Variants in GALNT17 observed in about 807,000 individuals in gnomAD.
GALNT17 encodes the protein UDP-GalNAc:polypeptide N-acetylgalactosaminyltransferase-like 3.
In GALNT17, 29 loss-of-function variants were observed where a neutral mutation model predicts 63.7. That is an observed-to-expected ratio of 0.46 (90% confidence interval 0.34 to 0.62). GALNT17 has a LOEUF of 0.62. GALNT17 is among the 20% of genes least tolerant of loss of function. GALNT17 has a pLI of 0.01. For missense variants in GALNT17, 603 were observed against 799.6 expected, an observed-to-expected ratio of 0.75 and a Z score of 2.97; for synonymous variants, 305 against 318.3, an observed-to-expected ratio of 0.96 and a Z score of 0.45.
Position 71,630,799 on chromosome 7 carries a change from C to T in GALNT17, c.1081-34612C>T, listed in dbSNP as rs538640957. On this transcript the variant is annotated intron_variant, in intron 6 of 10. Transcript: ENST00000333538. The stretch of plus-strand genomic sequence containing the variant: ...GGATCTTCCAGTGCAATCCGGAAAT[C>T]ATGGAGCTTGATATTGAGGACCCAA... Among the ~76,000 whole-genome samples the T allele has an allele frequency of 1.5e-3, 228 of 152,282 alleles. 1 individual carries two copies. The highest frequency in any genetic ancestry group is 6.8e-3 in the Middle Eastern group (2 of 294).
At chr7:71,133,167 T>C (rs1787718910) in intron 1 of GALNT17, 127 bp downstream of exon 1, 2 of 797,554 alleles carry the variant, frequency 2.5e-6, no homozygotes, top group Non-Finnish European at 1.9e-6. Flanking sequence ...GCGCGCTCCT[T>C]CTTACCCTTC....
intron 1 of GALNT17, among the ~76,000 whole-genome samples, chr7:71,232,515 T>G (rs1252397311): frequency 6.6e-6 from 1 of 151,950 alleles, no homozygotes; most frequent in Non-Finnish European, 1.5e-5. Flanking sequence ...TAATAAGTGA[T>G]TGGAAGTGAT....
intron 5 of GALNT17, 23 bp downstream of exon 5, chr7:71,421,128 C>T (rs199903990): frequency 1.0e-4 from 161 of 1,612,570 alleles, no homozygotes; most frequent in Non-Finnish European, 1.2e-4. Flanking sequence ...TGAGCCCTGG[C>T]GGCCAACGAG....
At chr7:71,168,571 C>A (rs546681240) in intron 1 of GALNT17, among the ~76,000 whole-genome samples, 2,483 of 145,306 alleles carry the variant, frequency 0.017, 23 homozygotes, top group Middle Eastern at 0.029. Flanking sequence ...GACTCTATAT[C>A]AAAAAAAAAA....
chr7:71,173,220 A>G (rs1256578788), intron 1 of GALNT17, among the ~76,000 whole-genome samples: 1 of 151,826 alleles, frequency 6.6e-6, no homozygotes, highest in African/African-American at 2.4e-5. Flanking sequence ...TGCACTGGGG[A>G]CCCTCAGGGA....
chr7:71,199,669 C>G, intron 1 of GALNT17, among the ~76,000 whole-genome samples: 1 of 65,952 alleles, frequency 1.5e-5, no homozygotes, highest in African/African-American at 5.2e-5. Context: ...GTCCATCCTT[C>G]CACCCATCCA....
intron 6 of GALNT17, 150 bp downstream of exon 6, chr7:71,571,552 A>G (rs1253132276): frequency 7.4e-6 from 5 of 677,156 alleles, no homozygotes; most frequent in East Asian, 2.8e-5. Flanking sequence ...CATGAGCTGC[A>G]CTGTCACCCC....
intron 5 of GALNT17, among the ~76,000 whole-genome samples, chr7:71,482,067 A>G (rs1275933885): frequency 8.3e-6 from 1 of 120,060 alleles, no homozygotes; most frequent in Non-Finnish European, 1.7e-5. Flanking sequence ...ATGTATAGGT[A>G]TACATATATG....
intron 5 of GALNT17, among the ~76,000 whole-genome samples, chr7:71,467,215 C>T (rs1261914699): frequency 2.0e-5 from 3 of 152,166 alleles, no homozygotes; most frequent in African/African-American, 7.2e-5. Context: ...CTTGGAGACA[C>T]AGCAGTCGTA....
intron 1 of GALNT17, among the ~76,000 whole-genome samples, chr7:71,213,882 TC>T: frequency 6.6e-6 from 1 of 152,354 alleles, no homozygotes; most frequent in Admixed American, 6.5e-5. Context: ...ACCAGCCTGT[TC>T]CTACCATAGT....
intron 6 of GALNT17, among the ~76,000 whole-genome samples, chr7:71,640,205 C>T (rs1296709582): frequency 6.6e-6 from 1 of 152,154 alleles, no homozygotes; most frequent in Non-Finnish European, 1.5e-5. Context: ...ATCAAGATAT[C>T]CACGCAGACT....
At chr7:71,174,624 G>T (rs1285885673) in intron 1 of GALNT17, among the ~76,000 whole-genome samples, 1 of 152,154 alleles carries the variant, frequency 6.6e-6, no homozygotes, top group Non-Finnish European at 1.5e-5. Flanking sequence ...GCAATGTTTT[G>T]CGGGCAGGGG....
At chr7:71,614,559 G>A (rs1790170291) in intron 6 of GALNT17, among the ~76,000 whole-genome samples, 1 of 151,852 alleles carries the variant, frequency 6.6e-6, no homozygotes, top group Admixed American at 6.6e-5. Context: ...GTTCAAAGCT[G>A]CAACGAGCAG....
intron 6 of GALNT17, among the ~76,000 whole-genome samples, chr7:71,664,767 T>C (rs1389236607): frequency 6.6e-6 from 1 of 152,190 alleles, no homozygotes; most frequent in East Asian, 1.9e-4. Context: ...GGGATGTCAG[T>C]TGTGCATTAT....
intron 5 of GALNT17, among the ~76,000 whole-genome samples, chr7:71,458,004 A>G (rs1305504407): frequency 6.6e-6 from 1 of 150,832 alleles, no homozygotes; most frequent in Non-Finnish European, 1.5e-5. Context: ...TTCCTCTACC[A>G]CTCTTTGAAG....
chr7:71,605,060 G>A (rs1790024858), intron 6 of GALNT17, among the ~76,000 whole-genome samples: 1 of 152,062 alleles, frequency 6.6e-6, no homozygotes, highest in Admixed American at 6.5e-5. Flanking sequence ...AAATGCTTTG[G>A]GGCTGTCCCT....
chr7:71,710,518 G>T (rs889998676), intron 9 of GALNT17, among the ~76,000 whole-genome samples: 1 of 152,034 alleles, frequency 6.6e-6, no homozygotes, highest in African/African-American at 2.4e-5. Flanking sequence ...AAAGAAAAAA[G>T]GAAAAAAGAT....
chr7:71,502,377 G>C (rs1269015100), intron 5 of GALNT17, among the ~76,000 whole-genome samples: 1 of 152,202 alleles, frequency 6.6e-6, no homozygotes. Flanking sequence ...TCAGCCAATG[G>C]AATATGGTGG....
intron 1 of GALNT17, among the ~76,000 whole-genome samples, chr7:71,246,494 T>A (rs1013555197): frequency 6.6e-6 from 1 of 151,802 alleles, no homozygotes; most frequent in Non-Finnish European, 1.5e-5. Context: ...GTCATTTAAA[T>A]TATGGTATAT....
Sources: gnomAD v4.1 joint callset for allele counts (sites outside exome capture counted in the v4.1 genomes callset) on GRCh38, gnomAD v4.1.1 for gene constraint, MANE v1.5 for transcripts, NCBI Gene and HGNC (gene_info 2026-07-23, HGNC 2026-07-21) for gene names.